The following NDST4 variants were observed in gnomAD, a reference collection of about 807,000 sequenced individuals.
The protein encoded by NDST4 is N-heparan sulfate sulfotransferase 4.
NDST4 carries 63 observed loss-of-function variants against 100.8 expected under a neutral mutation model. The ratio of observed to expected loss-of-function variants is 0.62; its 90% CI spans 0.51 to 0.77. The LOEUF (loss-of-function observed/expected upper bound fraction) is 0.77, where lower values mean the gene tolerates loss of function less well. Ranked by LOEUF, NDST4 falls within the 30% of genes least tolerant of loss-of-function variation. The probability of loss-of-function intolerance (pLI) is 0.00; values close to 1 mark genes in which losing one functional copy is unlikely to be tolerated. For synonymous variants in NDST4, 377 were observed against 361.8 expected, an observed-to-expected ratio of 1.04 and a Z score of -0.48; for missense variants, 943 against 1,018.4, an observed-to-expected ratio of 0.93 and a Z score of 1.01.
chr4:114,993,410 T>A (rs1415886588), intron 2 of NDST4, among the ~76,000 whole-genome samples: 3 of 152,044 alleles, frequency 2.0e-5, no homozygotes, highest in African/African-American at 7.2e-5. Context: ...GTTTCTGTTT[T>A]AAGTAATACT....
At chr4:114,907,459 T>C in intron 6 of NDST4, among the ~76,000 whole-genome samples, 1 of 152,310 alleles carries the variant, frequency 6.6e-6, no homozygotes, top group Middle Eastern at 3.4e-3. Context: ...TGCAAAAAAG[T>C]TACAGCAACT....
At chr4:115,091,383 C>A (rs1255814203) in intron 1 of NDST4, among the ~76,000 whole-genome samples, 2 of 151,976 alleles carry the variant, frequency 1.3e-5, no homozygotes, top group Non-Finnish European at 2.9e-5. Context: ...CCAAAATCAA[C>A]ATAAAATGAA....
chr4:115,062,194 T>C (rs1005082442), intron 2 of NDST4, among the ~76,000 whole-genome samples: 1 of 152,042 alleles, frequency 6.6e-6, no homozygotes, highest in Admixed American at 6.6e-5. Context: ...TAACGATCTG[T>C]TATGAACAAC....
intron 10 of NDST4, among the ~76,000 whole-genome samples, chr4:114,841,195 T>C (rs1156682174): frequency 6.6e-6 from 1 of 152,154 alleles, no homozygotes. Context: ...AGCATAAAAA[T>C]ATGACCATGA....
At chr4:114,926,547 C>G (rs1725390610) in intron 6 of NDST4, among the ~76,000 whole-genome samples, 1 of 149,764 alleles carries the variant, frequency 6.7e-6, no homozygotes, top group Non-Finnish European at 1.5e-5. Flanking sequence ...CAGTGAGAGT[C>G]AAAATTAAAA....
At chr4:114,925,792 CA>C (rs1481085266) in intron 6 of NDST4, among the ~76,000 whole-genome samples, 1 of 152,088 alleles carries the variant, frequency 6.6e-6, no homozygotes, top group African/African-American at 2.4e-5. Flanking sequence ...GAGCATTCTA[CA>C]ATCAGAGCCT....
In NDST4 at chr4:115,000,925, G is replaced by A. The variant is rs145670984; in HGVS notation, c.979-23651C>T. Reference sequence around the variant, plus strand: ...GTGAAGGCACTCTTTCTAGTTCACAGATGGCATCTTCTATGTGTGGCCTCA... The same window carrying A: ...GTGAAGGCACTCTTTCTAGTTCACAAATGGCATCTTCTATGTGTGGCCTCA... On this transcript the variant is annotated intron_variant, in intron 2 of 13. Transcript: ENST00000264363. Among the ~76,000 whole-genome samples the A allele has an allele frequency of 7.6e-3, 1,161 of 152,194 alleles. 18 individuals are homozygous for A. Among genetic ancestry groups the A allele is most frequent in the Middle Eastern group, 0.017 (5 of 294 alleles).
intron 1 of NDST4, among the ~76,000 whole-genome samples, chr4:115,094,348 A>G (rs1227311882): frequency 1.3e-5 from 2 of 152,250 alleles, no homozygotes; most frequent in African/African-American, 4.8e-5. Flanking sequence ...TGTAATTCCA[A>G]CCTAACACAA....
intron 2 of NDST4, among the ~76,000 whole-genome samples, chr4:115,069,424 C>T (rs1729023902): frequency 6.6e-6 from 1 of 151,966 alleles, no homozygotes; most frequent in African/African-American, 2.4e-5. Context: ...GTCTAATATC[C>T]AGTATCTATA....
intron 1 of NDST4, among the ~76,000 whole-genome samples, chr4:115,112,261 A>C (rs531855811): frequency 5.3e-5 from 8 of 151,422 alleles, no homozygotes; most frequent in African/African-American, 1.9e-4. Context: ...AGTTTTGGGG[A>C]AATTCAACCA....
intron 7 of NDST4, among the ~76,000 whole-genome samples, chr4:114,860,319 C>T (rs1287468327): frequency 6.6e-6 from 1 of 152,128 alleles, no homozygotes; most frequent in Admixed American, 6.6e-5. Context: ...TTCACTGTGG[C>T]AGAGAAGGCT....
intron 6 of NDST4, among the ~76,000 whole-genome samples, chr4:114,889,529 G>A (rs1443758842): frequency 6.6e-6 from 1 of 152,150 alleles, no homozygotes; most frequent in Non-Finnish European, 1.5e-5. Context: ...AGGTAATAAA[G>A]TGTTTGAGGT....
chr4:114,840,621 A>G (rs192474582), intron 10 of NDST4, among the ~76,000 whole-genome samples: 3 of 152,298 alleles, frequency 2.0e-5, no homozygotes, highest in African/African-American at 7.2e-5. Context: ...AAAACCACCA[A>G]ACACATATGA....
intron 1 of NDST4, among the ~76,000 whole-genome samples, chr4:115,103,888 A>T (rs970496094): frequency 6.6e-6 from 1 of 152,162 alleles, no homozygotes; most frequent in Admixed American, 6.6e-5. Flanking sequence ...ATCTGGAGTG[A>T]TTTCACATAT....
At chr4:114,986,832 ATT>A (rs58065684) in intron 2 of NDST4, among the ~76,000 whole-genome samples, 4 of 94,664 alleles carry the variant, frequency 4.2e-5, no homozygotes, top group African/African-American at 7.4e-5. Context: ...ATATATATAT[ATT>A]TTAATATACT....
At chr4:114,867,666 A>AAAAAAAAAAAAAAAAAAAAG (rs1560786342) in intron 7 of NDST4, among the ~76,000 whole-genome samples, 1 of 16,888 alleles carries the variant, frequency 5.9e-5, no homozygotes, top group African/African-American at 3.5e-4. Flanking sequence ...AAAAAAAAGC[A>AAAAAAAAAAAAAAAAAAAAG]AAAAAAAAAA....
intron 2 of NDST4, among the ~76,000 whole-genome samples, chr4:115,043,856 T>A (rs1384097253): frequency 6.6e-6 from 1 of 152,086 alleles, no homozygotes; most frequent in Non-Finnish European, 1.5e-5. Context: ...ATCATAGCAT[T>A]TCAGGGAGGA....
intron 2 of NDST4, among the ~76,000 whole-genome samples, chr4:114,991,360 C>T (rs1184641839): frequency 6.6e-6 from 1 of 152,070 alleles, no homozygotes; most frequent in Non-Finnish European, 1.5e-5. Context: ...TCCTCTTTTG[C>T]ATGACGAATG....
At position 114,932,864 on chromosome 4, in the gene NDST4, A is replaced by G. The variant is rs150987420; in HGVS notation, c.1536+2342T>C. ...ACAATCATCCCAACTTCATGGATTG[A>G]GCGAATTAATAGTGTTAAAATATCC... On this transcript the variant is annotated intron_variant, in intron 6 of 13. Transcript: ENST00000264363. Among the ~76,000 whole-genome samples the G allele has an allele frequency of 7.8e-3, 1,190 of 152,204 alleles. 10 individuals are homozygous for G. Among genetic ancestry groups the G allele is most frequent in the Middle Eastern group, 0.034 (10 of 294 alleles).
Sources: gnomAD v4.1 joint callset for allele counts (sites outside exome capture counted in the v4.1 genomes callset) on GRCh38, gnomAD v4.1.1 for gene constraint, MANE v1.5 for transcripts, NCBI Gene and HGNC (gene_info 2026-07-23, HGNC 2026-07-21) for gene names.